MIR2052HG: variants seen among roughly 807,000 people sequenced by gnomAD.
MIR2052HG encodes MIR2052 host gene.
intron 2 of MIR2052HG, among the ~76,000 whole-genome samples, chr8:74,626,625 A>G (rs992244754): frequency 3.3e-5 from 5 of 152,254 alleles, no homozygotes; most frequent in East Asian, 1.9e-4. Context: ...CATCTTCTAT[A>G]TGCCGTGAAT....
rs1007495990 is a variant in MIR2052HG at position 74,602,811 on chromosome 8, G to A, written n.128+2903G>A. On this transcript the variant is annotated intron_variant and non_coding_transcript_variant, in intron 1 of 6. Transcript: ENST00000523442. ...ATTATGGATGTGAGCTGCCATGCCC[G>A]GCCGTGTTTCTTTCTTTCTTTCTTT... Among the ~76,000 whole-genome samples the A allele has an allele frequency of 4.5e-4, 12 of 26,634 alleles. 1 individual carries two copies. Among genetic ancestry groups the A allele is most frequent in the Non-Finnish European group, 7.5e-4 (10 of 13,262 alleles). The allele number at this position is 26,634 out of a possible 152,430, so 17.5% of individuals were successfully genotyped here.
At chr8:74,748,972 G>A (rs1323659075) in intron 4 of MIR2052HG, among the ~76,000 whole-genome samples, 1 of 152,138 alleles carries the variant, frequency 6.6e-6, no homozygotes, top group African/African-American at 2.4e-5. Context: ...CTGCTTTTCT[G>A]TTAATTGTGA....
chr8:74,732,709 T>C (rs188465920), intron 4 of MIR2052HG, among the ~76,000 whole-genome samples: 2 of 152,252 alleles, frequency 1.3e-5, no homozygotes, highest in Admixed American at 1.3e-4. Flanking sequence ...TGTAGAGACC[T>C]GAATAAGGTA....
At chr8:74,633,907 G>A (rs1808550530) in intron 2 of MIR2052HG, among the ~76,000 whole-genome samples, 1 of 152,186 alleles carries the variant, frequency 6.6e-6, no homozygotes, top group African/African-American at 2.4e-5. Context: ...TTTCTAAGTT[G>A]GTTAATGCAG....
Position 74,682,469 on chromosome 8 carries a change from A to T in MIR2052HG, n.217-19910A>T, listed in dbSNP as rs893356857. Among the ~76,000 whole-genome samples the T allele has an allele frequency of 4.6e-5, 7 of 152,298 alleles. No homozygotes were observed. In the East Asian group the frequency reaches 1.3e-3, roughly 29 times the overall value. ...AAAATTAACAAAATACTAATAATAA[A>T]ATGGTCAAAAGATATGAACAGACAT... On this transcript the variant is annotated intron_variant and non_coding_transcript_variant, in intron 2 of 6. Coordinates refer to ENST00000523442, the Ensembl canonical transcript of MIR2052HG.
intron 1 of MIR2052HG, chr8:74,603,849 C>T (rs929786603): frequency 1.1e-6 from 1 of 893,844 alleles, no homozygotes; most frequent in African/African-American, 1.6e-5. Flanking sequence ...CCCCTGCCAT[C>T]TAGACCTGAG....
intron 2 of MIR2052HG, among the ~76,000 whole-genome samples, chr8:74,619,650 C>T (rs917590143): frequency 4.6e-5 from 7 of 152,092 alleles, no homozygotes; most frequent in South Asian, 2.1e-4. Flanking sequence ...CATAAGATCT[C>T]GTGAGACTCA....
intron 1 of MIR2052HG, among the ~76,000 whole-genome samples, chr8:74,602,880 C>CTTTCTTTCTTTTTT (rs1808042817): frequency 7.4e-5 from 1 of 13,540 alleles, no homozygotes; most frequent in African/African-American, 5.1e-4. Flanking sequence ...TTTCTTTTTT[C>CTTTCTTTCTTTTTT]TATTCACAAA....
chr8:74,637,054 G>A (rs1183629732), intron 2 of MIR2052HG, among the ~76,000 whole-genome samples: 2 of 152,106 alleles, frequency 1.3e-5, no homozygotes, highest in East Asian at 3.9e-4. Flanking sequence ...AAGGCAATCT[G>A]AATACAGTGA....
At chr8:74,753,055 T>A (rs1216315828) in intron 5 of MIR2052HG, among the ~76,000 whole-genome samples, 1 of 152,202 alleles carries the variant, frequency 6.6e-6, no homozygotes, top group Admixed American at 6.5e-5. Flanking sequence ...AAGGTAGGTA[T>A]TTTTTAAAAC....
chr8:74,648,380 C>A (rs909814639), intron 2 of MIR2052HG, among the ~76,000 whole-genome samples: 9 of 152,128 alleles, frequency 5.9e-5, no homozygotes, highest in African/African-American at 2.2e-4. Flanking sequence ...TGTCTGCTCT[C>A]GAACTCTGTT....
chr8:74,687,786 G>A (rs939220367), intron 2 of MIR2052HG, among the ~76,000 whole-genome samples: 2 of 152,042 alleles, frequency 1.3e-5, no homozygotes, highest in African/African-American at 2.4e-5. Context: ...TAATAATAAT[G>A]CATTGTACAG....
At chr8:74,612,553 T>TGTA in intron 1 of MIR2052HG, 1 of 229,184 alleles carries the variant, frequency 4.4e-6, no homozygotes, top group African/African-American at 2.3e-5. Flanking sequence ...CTAGGTAATT[T>TGTA]ATATACATGT....
chr8:74,753,633 C>A lies in MIR2052HG; in HGVS notation n.464+1100C>A, dbSNP rs369587047. Among the ~76,000 whole-genome samples the A allele has an allele frequency of 3.3e-5, 5 of 152,094 alleles. No homozygotes were observed. In the East Asian group the frequency reaches 5.8e-4, roughly 18 times the overall value. ...CCCACTGTACCCAAGCTATTTTTTG[C>A]ATTCTTCTTACCCCCAGGACTACCT... On this transcript the variant is annotated intron_variant and non_coding_transcript_variant, in intron 5 of 6. Coordinates refer to ENST00000523442, the Ensembl canonical transcript of MIR2052HG.
intron 2 of MIR2052HG, among the ~76,000 whole-genome samples, chr8:74,683,285 G>A (rs1344121552): frequency 6.6e-6 from 1 of 152,092 alleles, no homozygotes; most frequent in Non-Finnish European, 1.5e-5. Context: ...TGGGAATGAA[G>A]AATTTAGCAA....
intron 4 of MIR2052HG, among the ~76,000 whole-genome samples, chr8:74,721,297 T>A (rs1022064027): frequency 6.6e-6 from 1 of 152,194 alleles, no homozygotes; most frequent in Admixed American, 6.5e-5. Flanking sequence ...AGGAAAGCTA[T>A]ATAAAGTAGT....
At chr8:74,733,933 T>G (rs1464228603) in intron 4 of MIR2052HG, among the ~76,000 whole-genome samples, 1 of 152,230 alleles carries the variant, frequency 6.6e-6, no homozygotes, top group Admixed American at 6.5e-5. Context: ...GGCAAGGACT[T>G]CATGTCTAAA....
intron 4 of MIR2052HG, among the ~76,000 whole-genome samples, chr8:74,720,037 A>G (rs866694209): frequency 2.6e-5 from 4 of 151,546 alleles, no homozygotes; most frequent in African/African-American, 7.3e-5. Flanking sequence ...TTTTTAATAG[A>G]GACGGGGTTT....
At chr8:74,653,550 CTG>C (rs1275433274) in intron 2 of MIR2052HG, among the ~76,000 whole-genome samples, 2 of 152,148 alleles carry the variant, frequency 1.3e-5, no homozygotes, top group African/African-American at 4.8e-5. Flanking sequence ...AAAGTTCTAA[CTG>C]TGCTTCTGTT....
Sources: allele counts gnomAD v4.1 joint callset (sites outside exome capture counted in the v4.1 genomes callset), GRCh38; gene constraint gnomAD v4.1.1; transcripts MANE v1.5; gene names NCBI Gene and HGNC (gene_info 2026-07-23, HGNC 2026-07-21).